Variants in MVB12B observed in about 807,000 individuals in gnomAD.
MVB12B encodes the protein ESCRT-I complex subunit MVB12B.
In MVB12B, 16 loss-of-function variants were observed where a neutral mutation model predicts 41.6. The ratio of observed to expected loss-of-function variants is 0.38; its 90% CI spans 0.26 to 0.58. MVB12B has a LOEUF of 0.58. Ranked by LOEUF, MVB12B falls within the 20% of genes least tolerant of loss-of-function variation. The pLI, the probability that MVB12B is intolerant of heterozygous loss-of-function variation, is 0.62. For synonymous variants in MVB12B, 133 were observed against 139.7 expected (o/e 0.95, Z 0.34); for missense variants, 274 against 380.2 (o/e 0.72, Z 2.32).
intron 6 of MVB12B, among the ~76,000 whole-genome samples, chr9:126,415,934 G>A (rs1403356474): frequency 6.6e-6 from 1 of 152,174 alleles, no homozygotes; most frequent in Non-Finnish European, 1.5e-5. Flanking sequence ...TGAGATCTGG[G>A]GACAGTGGCA....
chr9:126,392,214 A>C lies in MVB12B; in HGVS notation c.539+19A>C, dbSNP rs1411372750. The C allele has an allele frequency of 1.2e-6, 2 of 1,613,044 alleles. No individual in the cohort carries two copies. Among genetic ancestry groups the C allele is most frequent in the Non-Finnish European group, 1.7e-6 (2 of 1,179,260 alleles). ...TTATTGGGTGAGTCTTAATAACAGGACTGTCAGCTGCTTCTCTTCCCTGAG... is the reference window on the plus strand; with the variant it reads ...TTATTGGGTGAGTCTTAATAACAGGCCTGTCAGCTGCTTCTCTTCCCTGAG... On this transcript the variant is annotated intron_variant, in intron 5 of 9. Transcript: ENST00000361171. The surrounding 1 kb of genome is among the most constrained non-coding windows in gnomAD (Gnocchi z 4.8).
intron 9 of MVB12B, among the ~76,000 whole-genome samples, chr9:126,489,573 C>T (rs952784413): frequency 6.6e-6 from 1 of 152,250 alleles, no homozygotes; most frequent in African/African-American, 2.4e-5. Flanking sequence ...GAAAACCTCT[C>T]ACGATTCAGA....
chr9:126,417,600 C>T (rs1831866027), intron 6 of MVB12B, among the ~76,000 whole-genome samples: 1 of 152,200 alleles, frequency 6.6e-6, no homozygotes, highest in Non-Finnish European at 1.5e-5. Flanking sequence ...TTTTAGTGAG[C>T]CAACTACAAC....
At chr9:126,387,548 T>A (rs1588130476) in intron 4 of MVB12B, among the ~76,000 whole-genome samples, 1 of 152,372 alleles carries the variant, frequency 6.6e-6, no homozygotes, top group African/African-American at 2.4e-5. Flanking sequence ...GTTTCTATCT[T>A]TACGCAGATC....
At chr9:126,433,084 CCTTA>C (rs1419560535) in intron 7 of MVB12B, among the ~76,000 whole-genome samples, 1 of 151,932 alleles carries the variant, frequency 6.6e-6, no homozygotes, top group Admixed American at 6.5e-5. Context: ...CCCAAGGCCT[CCTTA>C]CTTAAAGTTA....
intron 8 of MVB12B, among the ~76,000 whole-genome samples, chr9:126,481,736 A>T (rs1833526334): frequency 6.6e-6 from 1 of 152,242 alleles, no homozygotes; most frequent in Non-Finnish European, 1.5e-5. Flanking sequence ...GCTGTCAGAC[A>T]AGCTCAGGTG....
At chr9:126,481,567 C>A in intron 8 of MVB12B, 143 bp downstream of exon 8, 1 of 708,806 alleles carries the variant, frequency 1.4e-6, no homozygotes, top group Non-Finnish European at 2.5e-6. Context: ...TGCGTGTCCT[C>A]TCTCCCACTG....
chr9:126,411,911 C>T (rs1184314403), intron 6 of MVB12B, among the ~76,000 whole-genome samples: 1 of 152,228 alleles, frequency 6.6e-6, no homozygotes, highest in Admixed American at 6.5e-5. Flanking sequence ...GGACTTGGAG[C>T]AGGAATCCTG....
At chr9:126,366,703 C>T (rs1305382319) in intron 2 of MVB12B, among the ~76,000 whole-genome samples, 2 of 152,216 alleles carry the variant, frequency 1.3e-5, no homozygotes, top group Non-Finnish European at 2.9e-5. Context: ...GACCCCCCTT[C>T]TTGTAGTAGC....
At position 126,457,482 on chromosome 9, in the gene MVB12B, CT is replaced by C. The variant is rs374751953; in HGVS notation, c.758-23885del. On this transcript the variant is annotated intron_variant, in intron 7 of 9. Transcript: ENST00000361171. ...CATGTTTATGTCATGACCTTCAAGA[CT>C]TCCACCAATCCTAGCCACCATGAAT... 6.2e-4 allele frequency among the ~76,000 whole-genome samples: 94 copies of C among 152,290 alleles called. No individual in the cohort carries two copies. In the Middle Eastern group the frequency reaches 0.01, roughly 17 times the overall value.
chr9:126,364,011 C>T (rs900025045), intron 2 of MVB12B, among the ~76,000 whole-genome samples: 8 of 152,166 alleles, frequency 5.3e-5, no homozygotes, highest in Non-Finnish European at 1.0e-4. Context: ...CATAGCTGTA[C>T]CCCCAGTACC....
intron 7 of MVB12B, among the ~76,000 whole-genome samples, chr9:126,451,225 A>G (rs1040082359): frequency 1.3e-5 from 2 of 152,238 alleles, no homozygotes; most frequent in Non-Finnish European, 2.9e-5. Flanking sequence ...TTGACTGTAG[A>G]AACAAAAATG....
intron 6 of MVB12B, among the ~76,000 whole-genome samples, chr9:126,421,033 A>G (rs1471107021): frequency 6.6e-6 from 1 of 152,100 alleles, no homozygotes; most frequent in Non-Finnish European, 1.5e-5. Flanking sequence ...CAGTTGTCCC[A>G]CCAAGAGGTT....
At chr9:126,349,175 T>C (rs1829681150) in intron 2 of MVB12B, among the ~76,000 whole-genome samples, 2 of 152,100 alleles carry the variant, frequency 1.3e-5, no homozygotes, top group South Asian at 2.1e-4. Flanking sequence ...GTTTGAATAA[T>C]TTTGGCAGGT....
At chr9:126,359,731 T>C (rs1467105769) in intron 2 of MVB12B, among the ~76,000 whole-genome samples, 1 of 152,212 alleles carries the variant, frequency 6.6e-6, no homozygotes, top group African/African-American at 2.4e-5. Context: ...ATCTGGAGAA[T>C]GTACTCTCTT....
chr9:126,359,788 T>C (rs531876758), intron 2 of MVB12B, among the ~76,000 whole-genome samples: 33 of 152,318 alleles, frequency 2.2e-4, no homozygotes, highest in Middle Eastern at 3.4e-3. Flanking sequence ...TTTTTCTTGC[T>C]CAGGCTGCCA....
At chr9:126,472,962 TA>T (rs568391682) in intron 7 of MVB12B, among the ~76,000 whole-genome samples, 3 of 149,582 alleles carry the variant, frequency 2.0e-5, no homozygotes, top group Admixed American at 6.7e-5. Context: ...CCACCAAAAA[TA>T]AAAAAAAAAT....
chr9:126,363,296 C>T (rs1025800895), intron 2 of MVB12B, among the ~76,000 whole-genome samples: 1 of 152,108 alleles, frequency 6.6e-6, no homozygotes, highest in Admixed American at 6.5e-5. Flanking sequence ...GTTCCATGAC[C>T]CTTTAGATTA....
chr9:126,347,001 G>T lies in MVB12B; in HGVS notation c.204+6371G>T, dbSNP rs563847362. Among the ~76,000 whole-genome samples the T allele has an allele frequency of 3.3e-5, 5 of 152,358 alleles. No individual in the cohort carries two copies. The East Asian group carries it at 9.6e-4, about 29-fold the overall frequency. On this transcript the variant is annotated intron_variant, in intron 2 of 9. Coordinates refer to ENST00000361171, the MANE Select transcript of MVB12B (RefSeq NM_033446.3). The stretch of plus-strand genomic sequence containing the variant: ...GAGTGCAGATGGCCTTTGAAGAGGG[G>T]AGGCCAGGGCATAGCGGGAGCTAGA...
Sources: gnomAD v4.1 joint callset for allele counts (sites outside exome capture counted in the v4.1 genomes callset) on GRCh38, gnomAD v4.1.1 for gene constraint, Gnocchi (gnomAD v3.1) non-coding constraint, MANE v1.5 for transcripts, NCBI Gene and HGNC (gene_info 2026-07-23, HGNC 2026-07-21) for gene names.